The following ANKS3 variants were observed in gnomAD, a reference collection of about 807,000 sequenced individuals.
The protein encoded by ANKS3 is ankyrin repeat and SAM domain-containing protein 3.
In ANKS3, 62 loss-of-function variants were observed where a neutral mutation model predicts 80.7. The observed-to-expected ratio is 0.77, with a 90% confidence interval of 0.63 to 0.95. The LOEUF (loss-of-function observed/expected upper bound fraction) is 0.95. ANKS3 is among the 40% of genes least tolerant of loss of function. The pLI is 0.00. For synonymous variants in ANKS3, 489 were observed against 355.3 expected (o/e 1.38, Z -4.23); for missense variants, 1,150 against 883.6 (o/e 1.30, Z -3.82).
intron 2 of ANKS3, 74 bp downstream of exon 2, chr16:4,731,438 T>C (rs1319169021): frequency 1.3e-5 from 2 of 159,098 alleles, no homozygotes; most frequent in Admixed American, 1.3e-4. Flanking sequence ...CGCCATCATG[T>C]TAGGCTAATT....
intron 3 of ANKS3, among the ~76,000 whole-genome samples, chr16:4,729,107 T>C (rs2081499014): frequency 6.6e-6 from 1 of 152,160 alleles, no homozygotes; most frequent in Admixed American, 6.5e-5. Flanking sequence ...AGACGACCCT[T>C]TTCCAAAAAC....
At chr16:4,704,972 G>C in intron 8 of ANKS3, 123 bp downstream of exon 8, 2 of 1,325,074 alleles carry the variant, frequency 1.5e-6, no homozygotes, top group Non-Finnish European at 2.1e-6. Flanking sequence ...TGGGCCACCT[G>C]TCCCGCTGCC....
rs530217349 is a variant in ANKS3 at position 4,733,947 on chromosome 16, G to A, written c.-80C>T. 2 of 985,442 alleles carry A rather than the reference G, an allele frequency of 2.0e-6. No individual in the cohort carries two copies. Among genetic ancestry groups the A allele is most frequent in the East Asian group, 1.1e-4 (1 of 8,802 alleles). 61.0% of individuals were successfully genotyped at this position (985,442 alleles called of 1,614,324 possible). Reference sequence around the variant, plus strand: ...CAAACCCGTAACTCACAGCAGTGACGCTTCCCGACGCCCCCCGGCCACATC... The same window carrying A: ...CAAACCCGTAACTCACAGCAGTGACACTTCCCGACGCCCCCCGGCCACATC... On this transcript the variant is annotated 5_prime_UTR_variant, in exon 1 of 18. Coordinates refer to ENST00000304283, the MANE Select transcript of ANKS3 (RefSeq NM_133450.4).
At chr16:4,698,094 G>T (rs747475695) in intron 14 of ANKS3, 32 bp from the exon 15 acceptor site, 3 of 1,569,598 alleles carry the variant, frequency 1.9e-6, no homozygotes, top group South Asian at 2.3e-5. Context: ...ATTGGTGAGA[G>T]CAGAGGCCTG....
intron 6 of ANKS3, among the ~76,000 whole-genome samples, chr16:4,722,271 A>C (rs1257513090): frequency 6.6e-6 from 1 of 151,450 alleles, no homozygotes; most frequent in Admixed American, 6.6e-5. Context: ...ATAAACATAG[A>C]CAGCTCGTAA....
chr16:4,733,397 T>A (rs957915832), intron 1 of ANKS3, among the ~76,000 whole-genome samples: 2 of 151,934 alleles, frequency 1.3e-5, no homozygotes, highest in African/African-American at 2.4e-5. Context: ...GTTCAAGCGA[T>A]TCTCCTGCCT....
intron 5 of ANKS3, among the ~76,000 whole-genome samples, chr16:4,725,370 G>C (rs998567489): frequency 6.6e-6 from 1 of 152,184 alleles, no homozygotes; most frequent in Non-Finnish European, 1.5e-5. Context: ...TTGGAAGTCA[G>C]GAACCATGCA....
At position 4,700,744 on chromosome 16, in the gene ANKS3, A is replaced by G; in HGVS notation, c.1284+226T>C. Reference sequence around the variant, plus strand: ...GGAGGCCAACTCCAGTATGGAAAGCAGGGAGACAGGTCCTTTCCGTGGAGA... The same window carrying G: ...GGAGGCCAACTCCAGTATGGAAAGCGGGGAGACAGGTCCTTTCCGTGGAGA... On this transcript the variant is annotated intron_variant, in intron 11 of 17. Coordinates refer to ENST00000304283, the MANE Select transcript of ANKS3 (RefSeq NM_133450.4). 4.2e-6 allele frequency: 3 copies of G among 721,802 alleles called. No individual in the cohort carries two copies. The South Asian group carries it at 4.2e-5, about 10-fold the overall frequency. The allele number at this position is 721,802 out of a possible 1,614,324, so 44.7% of individuals were successfully genotyped here.
intron 6 of ANKS3, among the ~76,000 whole-genome samples, chr16:4,718,748 C>A (rs2080937642): frequency 6.6e-6 from 1 of 152,230 alleles, no homozygotes; most frequent in African/African-American, 2.4e-5. Context: ...AGTCCTGCCC[C>A]ATCCCCCAAA....
chr16:4,733,917 GC>G lies in ANKS3; in HGVS notation c.-71+20del. The G allele has an allele frequency of 1.0e-6, 1 of 985,462 alleles. No individual in the cohort carries two copies. The allele number at this position is 985,462 out of a possible 1,614,324, so 61.0% of individuals were successfully genotyped here. ...TCACTGGCCCCGGGGCGGGTCCCTGGCCGACAAACCCGTAACTCACAGCAGT... is the reference window on the plus strand; with the variant it reads ...TCACTGGCCCCGGGGCGGGTCCCTGGCGACAAACCCGTAACTCACAGCAGT... On this transcript the variant is annotated intron_variant, in intron 1 of 17. Coordinates refer to ENST00000304283, the MANE Select transcript of ANKS3 (RefSeq NM_133450.4).
chr16:4,723,651 G>A (rs1435368192), intron 6 of ANKS3, among the ~76,000 whole-genome samples: 2 of 152,228 alleles, frequency 1.3e-5, no homozygotes, highest in Non-Finnish European at 2.9e-5. Context: ...ACTTTGTAGG[G>A]CCGAATAATA....
At position 4,714,216 on chromosome 16, in the gene ANKS3, G is replaced by A. The variant is rs2080652990; in HGVS notation, c.574-30C>T. ...GAATGTCCGTGAAAGGGGGTTAGGGGCCTCTCCTTCAAAGCACCTGCCCTT... is the reference window on the plus strand; with the variant it reads ...GAATGTCCGTGAAAGGGGGTTAGGGACCTCTCCTTCAAAGCACCTGCCCTT... On this transcript the variant is annotated intron_variant, in intron 6 of 17. Coordinates refer to ENST00000304283, the MANE Select transcript of ANKS3 (RefSeq NM_133450.4). 1.9e-6 allele frequency: 3 copies of A among 1,611,338 alleles called. 1 individual carries two copies. Among genetic ancestry groups the A allele is most frequent in the Admixed American group, 3.4e-5 (2 of 59,624 alleles).
At chr16:4,729,372 TG>T in intron 3 of ANKS3, 1 of 152,364 alleles carries the variant, frequency 6.6e-6, no homozygotes, top group African/African-American at 2.4e-5. Context: ...TTCTTTTTTT[TG>T]TTTTTGAGAC....
chr16:4,717,061 G>C (rs1271080177), intron 6 of ANKS3, among the ~76,000 whole-genome samples: 1 of 150,872 alleles, frequency 6.6e-6, no homozygotes, highest in Non-Finnish European at 1.5e-5. Flanking sequence ...GGAAAACGTG[G>C]TAAAACCCCA....
intron 7 of ANKS3, among the ~76,000 whole-genome samples, chr16:4,708,796 G>A (rs1424774033): frequency 6.6e-6 from 1 of 151,990 alleles, no homozygotes; most frequent in Admixed American, 6.6e-5. Context: ...AAATTAGCCA[G>A]GTGTGGTGGT....
rs78071828 is a variant in ANKS3, at chr16:4,705,276, A to C, written c.710-23T>G. ...TTTCTGTGATCAAACACCAAGATTA[A>C]GATAGTGTGTTCAGTAATGGACTCA... On this transcript the variant is annotated intron_variant, in intron 7 of 17. Transcript: ENST00000304283. The C allele has an allele frequency of 1.5e-3, 2,369 of 1,612,574 alleles. 35 individuals carry two copies. In the African/African-American group the frequency reaches 0.026, roughly 18 times the overall value.
At chr16:4,701,621 C>T in intron 9 of ANKS3, 78 bp from the exon 10 acceptor site, 1 of 1,307,786 alleles carries the variant, frequency 7.6e-7, no homozygotes. Context: ...GGCTGAGCCG[C>T]CTCCACCAGG....
intron 13 of ANKS3, 28 bp downstream of exon 13, chr16:4,698,772 C>T: frequency 3.2e-6 from 5 of 1,571,182 alleles, no homozygotes; most frequent in South Asian, 2.4e-5. Flanking sequence ...TGTCACCCTG[C>T]CCCCCCATCC....
chr16:4,730,096 C>A lies in ANKS3; in HGVS notation c.54G>T (p.Leu18Phe), dbSNP rs781136512. 6.3e-7 allele frequency: 1 copy of A among 1,594,756 alleles called. No homozygotes were observed. The highest frequency in any genetic ancestry group is 8.6e-7 in the Non-Finnish European group (1 of 1,168,728). Reference protein sequence around the residue: ...ASEPELLNRSLSMWHGLGTQV... With the variant: ...ASEPELLNRSFSMWHGLGTQV... Reference sequence around the variant, plus strand: ...GTGTCCCGAGCCCGTGCCACATGGACAAGCTGCGGTTCAGGAGTTCCGGCT... The same window carrying A: ...GTGTCCCGAGCCCGTGCCACATGGAAAAGCTGCGGTTCAGGAGTTCCGGCT... Residue 18 changes from leucine (L) to phenylalanine (F), a missense_variant, in exon 3 of 18, where the codon TTG becomes TTT. Physicochemically the swap from Leu to Phe is conservative, Grantham distance 22 (BLOSUM62 0). Transcript: ENST00000304283.
Sources: allele counts gnomAD v4.1 joint callset (sites outside exome capture counted in the v4.1 genomes callset), GRCh38; gene constraint gnomAD v4.1.1; transcripts MANE v1.5; gene names NCBI Gene and HGNC (gene_info 2026-07-23, HGNC 2026-07-21).